RGS12: variants seen among roughly 807,000 people sequenced by gnomAD.
The protein encoded by RGS12 is regulator of G protein signaling 12, also known as regulator of G-protein signaling 12.
Under a neutral mutation model 120.1 loss-of-function variants are expected in RGS12, and 66 were observed. The ratio of observed to expected loss-of-function variants is 0.55; its 90% CI spans 0.45 to 0.67. The LOEUF is 0.67. RGS12 is among the 30% of genes least tolerant of loss of function. The pLI is 0.00. For synonymous variants in RGS12, 827 were observed against 804.7 expected, an observed-to-expected ratio of 1.03 and a Z score of -0.47; for missense variants, 1,859 against 1,957.7, an observed-to-expected ratio of 0.95 and a Z score of 0.95.
chr4:3,414,316 G>T, intron 5 of RGS12, 75 bp downstream of exon 5: 1 of 1,441,422 alleles, frequency 6.9e-7, no homozygotes, highest in Non-Finnish European at 9.2e-7. Context: ...TCTGTGGGCC[G>T]CCCTAGAGAC....
chr4:3,429,119 A>G (rs1198175729), intron 16 of RGS12, among the ~76,000 whole-genome samples: 1 of 152,156 alleles, frequency 6.6e-6, no homozygotes, highest in Non-Finnish European at 1.5e-5. Context: ...AGGTGAGGGG[A>G]GGTGGAGCAC....
Position 3,316,859 on chromosome 4 carries a change from T to C in RGS12, c.689T>C (p.Met230Thr). 1 of 1,614,204 alleles carries C rather than the reference T, an allele frequency of 6.2e-7. No homozygotes were observed. Among genetic ancestry groups the C allele is most frequent in the Non-Finnish European group, 8.5e-7 (1 of 1,180,032 alleles). The change falls in exon 2 of 18, where the codon ATG (methionine) becomes ACG (threonine). Residue 230 changes from methionine (M) to threonine (T), a missense_variant. Around this residue, in one of 3 missense-constraint regions of RGS12, gnomAD observed 967 missense variants for 994.2 expected, o/e 0.97. Coordinates refer to ENST00000336727, the MANE Select transcript of RGS12 (RefSeq NM_001394154.1). Reference sequence around the variant, plus strand: ...GATGCAAGTATTTTAAACGTGGCGATGATCGTGGGCTACTTAGGCTCCATT... The same window carrying C: ...GATGCAAGTATTTTAAACGTGGCGACGATCGTGGGCTACTTAGGCTCCATT... ...ALDASILNVA[M>T]IVGYLGSIEL...
At chr4:3,351,558 A>T (rs1714359108) in intron 3 of RGS12, among the ~76,000 whole-genome samples, 1 of 152,198 alleles carries the variant, frequency 6.6e-6, no homozygotes, top group African/African-American at 2.4e-5. Context: ...GCCCTTTAAC[A>T]CTTAAAAGAA....
At position 3,392,282 on chromosome 4, in the gene RGS12, C is replaced by T. The variant is rs926892447; in HGVS notation, c.2020+5845C>T. 2.0e-5 allele frequency among the ~76,000 whole-genome samples: 3 copies of T among 152,160 alleles called. No individual in the cohort carries two copies. In the South Asian group the frequency reaches 6.2e-4, roughly 32 times the overall value. Reference sequence around the variant, plus strand: ...CCTAACAGAAAGCTTTTAAGACTTTCTCCTTATTGTCGGTTTTCAGCAATT... The same window carrying T: ...CCTAACAGAAAGCTTTTAAGACTTTTTCCTTATTGTCGGTTTTCAGCAATT... On this transcript the variant is annotated intron_variant, in intron 4 of 17. Transcript: ENST00000336727.
chr4:3,330,399 G>T (rs1711703390), intron 2 of RGS12, among the ~76,000 whole-genome samples: 1 of 152,176 alleles, frequency 6.6e-6, no homozygotes, highest in African/African-American at 2.4e-5. Context: ...CTTGTCTGGG[G>T]TAACCCCAGT....
At chr4:3,339,723 G>A (rs1712848146) in intron 2 of RGS12, among the ~76,000 whole-genome samples, 1 of 152,188 alleles carries the variant, frequency 6.6e-6, no homozygotes, top group African/African-American at 2.4e-5. Flanking sequence ...GATGATACCA[G>A]GCTGGAGGTG....
rs767570950 is a variant in RGS12, at chr4:3,431,127, G to C, written c.4114+172G>C. 3 of 1,434,110 alleles carry C rather than the reference G, an allele frequency of 2.1e-6. No individual in the cohort carries two copies. The African/African-American group carries it at 4.3e-5, about 21-fold the overall frequency. 88.8% of individuals were successfully genotyped at this position (1,434,110 alleles called of 1,614,324 possible). Reference sequence around the variant, plus strand: ...TGGCCCTCTTGGAAAGGAGGGGCTCGTGTGGCCCCAGGCCAGTGTCTGTCA... The same window carrying C: ...TGGCCCTCTTGGAAAGGAGGGGCTCCTGTGGCCCCAGGCCAGTGTCTGTCA... On this transcript the variant is annotated intron_variant, in intron 17 of 17. Coordinates refer to ENST00000336727, the MANE Select transcript of RGS12 (RefSeq NM_001394154.1).
chr4:3,333,344 C>T (rs964916565), intron 2 of RGS12, among the ~76,000 whole-genome samples: 3 of 152,194 alleles, frequency 2.0e-5, no homozygotes, highest in Non-Finnish European at 4.4e-5. Flanking sequence ...CTACCGTGCC[C>T]GGCCTGGTCT....
Position 3,308,511 on chromosome 4 carries a change from G to A in RGS12, c.-101-7559G>A, listed in dbSNP as rs539757061. On this transcript the variant is annotated intron_variant, in intron 1 of 17. Coordinates refer to ENST00000336727, the MANE Select transcript of RGS12 (RefSeq NM_001394154.1). Reference sequence around the variant, plus strand: ...TTTCCGCGGGCGGCTGGGGTGCGAGGTGTATGGGGAGAACAGCTGGTCTGT... The same window carrying A: ...TTTCCGCGGGCGGCTGGGGTGCGAGATGTATGGGGAGAACAGCTGGTCTGT... Among the ~76,000 whole-genome samples the A allele has an allele frequency of 5.3e-5, 8 of 152,308 alleles. No homozygotes were observed. The South Asian group carries it at 1.7e-3, about 32-fold the overall frequency.
In RGS12 at chr4:3,431,236, G is replaced by A. The variant is rs577157672; in HGVS notation, c.4114+281G>A. On this transcript the variant is annotated intron_variant, in intron 17 of 17. Transcript: ENST00000336727. ...GGAATGATACGTGGCAGTGCCTGCA[G>A]CGAGGTCTGGGAACACCCTGGGTGA... is the stretch of plus-strand genomic sequence containing the variant. 3.6e-4 allele frequency: 473 copies of A among 1,310,716 alleles called. 2 individuals are homozygous for A. Among genetic ancestry groups the A allele is most frequent in the Middle Eastern group, 1.7e-3 (6 of 3,462 alleles). 81.2% of individuals were successfully genotyped at this position (1,310,716 alleles called of 1,614,324 possible). A position where few individuals can be genotyped will look rare whatever the true frequency, so the allele number is the denominator to read the frequency against.
chr4:3,317,727 C>T lies in RGS12; in HGVS notation c.1557C>T (p.Val519=), dbSNP rs766092839. 4.3e-5 allele frequency: 70 copies of T among 1,613,394 alleles called. No individual in the cohort carries two copies. The highest frequency in any genetic ancestry group is 5.5e-5 in the Non-Finnish European group (65 of 1,179,992). ...CCCCAGCTTCCTTGAGGAGCTCAGT[C>T]CCCCCTTCCAAGAGGGGCACCGTGG... ...EVPPASLRSS[V]PPSKRGTVGA... The change falls in exon 2 of 18, where the codon GTC becomes GTT. Residue 519 remains valine (V), a synonymous_variant. Transcript: ENST00000336727.
At chr4:3,430,339 G>T in intron 16 of RGS12, 68 bp from the exon 17 acceptor site, 1 of 1,410,646 alleles carries the variant, frequency 7.1e-7, no homozygotes, top group South Asian at 1.3e-5. Context: ...TTTCTAGAAT[G>T]TTCTGCGGTG....
At chr4:3,421,341 A>T (rs1244997762) in intron 10 of RGS12, among the ~76,000 whole-genome samples, 2 of 152,234 alleles carry the variant, frequency 1.3e-5, no homozygotes, top group African/African-American at 4.8e-5. Flanking sequence ...TTCAGGCAGG[A>T]ATGAATGTAG....
intron 5 of RGS12, 184 bp downstream of exon 5, chr4:3,414,425 G>A (rs1722109480): frequency 4.3e-6 from 3 of 695,392 alleles, no homozygotes; most frequent in Non-Finnish European, 7.0e-6. Context: ...GTTGAATCCT[G>A]CCCCTGGTTC....
chr4:3,342,958 A>G lies in RGS12; in HGVS notation c.1903A>G (p.Thr635Ala), dbSNP rs1159624123. Residue 635 changes from threonine to alanine, a missense_variant, in exon 3 of 18, where the codon ACT becomes GCT. Around this residue, in one of 3 missense-constraint regions of RGS12, gnomAD observed 967 missense variants for 994.2 expected, o/e 0.97. Transcript: ENST00000336727. ...TTAGGGCTCAAAATTTGGGCGGGGAACTGGACTCACTCAGCCTTCTCAACG... is the reference window on the plus strand; with the variant it reads ...TTAGGGCTCAAAATTTGGGCGGGGAGCTGGACTCACTCAGCCTTCTCAACG... ...DKKGSKFGRGTGLTQPSQRTS... is the reference protein window; with the variant it reads ...DKKGSKFGRGAGLTQPSQRTS... 4 of 1,613,808 alleles carry G rather than the reference A, an allele frequency of 2.5e-6. No individual in the cohort carries two copies. The highest frequency in any genetic ancestry group is 3.4e-6 in the Non-Finnish European group (4 of 1,179,870).
intron 17 of RGS12, among the ~76,000 whole-genome samples, chr4:3,438,474 T>G (rs952113753): frequency 5.9e-5 from 9 of 151,920 alleles, no homozygotes; most frequent in Non-Finnish European, 1.0e-4. Flanking sequence ...GCACGGGGGC[T>G]TCACTGCCCC....
chr4:3,384,074 A>G (rs970310910), intron 3 of RGS12, among the ~76,000 whole-genome samples: 4 of 152,152 alleles, frequency 2.6e-5, no homozygotes, highest in African/African-American at 7.2e-5. Flanking sequence ...TATCTTTCAG[A>G]TCTTATTGAC....
intron 6 of RGS12, among the ~76,000 whole-genome samples, chr4:3,415,669 C>T (rs1006932365): frequency 6.6e-6 from 1 of 152,224 alleles, no homozygotes; most frequent in South Asian, 2.1e-4. Context: ...GCGCTGCTCT[C>T]CTGCACTCCC....
intron 17 of RGS12, among the ~76,000 whole-genome samples, chr4:3,436,900 G>T (rs981130931): frequency 6.6e-6 from 1 of 152,226 alleles, no homozygotes; most frequent in Admixed American, 6.5e-5. Flanking sequence ...GTGGGGCGCC[G>T]GGGAGAGGTT....
Sources: allele counts gnomAD v4.1 joint callset (sites outside exome capture counted in the v4.1 genomes callset), GRCh38; gene constraint gnomAD v4.1.1; regional missense constraint gnomAD v4.1.1; transcripts MANE v1.5; gene names NCBI Gene and HGNC (gene_info 2026-07-23, HGNC 2026-07-21).